KLF12: variants seen among roughly 807,000 people sequenced by gnomAD.
The protein encoded by KLF12 is Krueppel-like factor 12.
In KLF12, 9 loss-of-function variants were observed where a neutral mutation model predicts 37.8. That is an observed-to-expected ratio of 0.24 (90% CI 0.14 to 0.42). KLF12 has a LOEUF of 0.42. KLF12 is among the 10% of genes least tolerant of loss of function. The pLI is 1.00. For missense variants in KLF12, 411 were observed against 516.0 expected (o/e 0.80, Z 1.97); for synonymous variants, 208 against 202.1 (o/e 1.03, Z -0.25).
chr13:74,228,648 G>A, the KLF12 span, among the ~76,000 whole-genome samples: 1 of 151,838 alleles, frequency 6.6e-6, no homozygotes, highest in South Asian at 2.1e-4. Context: ...TATCTATATT[G>A]TCTGAATTCA....
chr13:73,823,119 T>G (rs181013663), intron 4 of KLF12, among the ~76,000 whole-genome samples: 137 of 152,344 alleles, frequency 9.0e-4, no homozygotes, highest in African/African-American at 3.2e-3. Context: ...CTTTTCTTAT[T>G]TCCCTTAGTT....
the KLF12 span, among the ~76,000 whole-genome samples, chr13:74,233,692 A>G: frequency 1.3e-5 from 2 of 152,366 alleles, no homozygotes; most frequent in African/African-American, 2.4e-5. Context: ...TCTAGAATAT[A>G]CTTTTTAGAA....
chr13:74,106,889 A>T (rs1876678002), intron 1 of KLF12, among the ~76,000 whole-genome samples: 1 of 152,022 alleles, frequency 6.6e-6, no homozygotes, highest in African/African-American at 2.4e-5. Context: ...GGTCCAATTC[A>T]AAAGAGCTCA....
At chr13:73,754,056 T>C (rs1346764596) in intron 6 of KLF12, among the ~76,000 whole-genome samples, 1 of 152,164 alleles carries the variant, frequency 6.6e-6, no homozygotes, top group African/African-American at 2.4e-5. Flanking sequence ...TCATATTTTC[T>C]CACCTTTCTA....
At chr13:73,954,545 T>C (rs1890768145) in intron 2 of KLF12, among the ~76,000 whole-genome samples, 1 of 152,202 alleles carries the variant, frequency 6.6e-6, no homozygotes, top group African/African-American at 2.4e-5. Flanking sequence ...ATAACAAAAG[T>C]AGTTAGGACT....
At chr13:73,849,375 TAAAAAAAAA>T (rs574332239) in intron 3 of KLF12, among the ~76,000 whole-genome samples, 2 of 98,984 alleles carry the variant, frequency 2.0e-5, no homozygotes, top group African/African-American at 4.8e-5. Flanking sequence ...GGAGACTCCA[TAAAAAAAAA>T]AAAAAAAAAA....
intron 2 of KLF12, among the ~76,000 whole-genome samples, chr13:73,964,746 T>C (rs1593788850): frequency 6.6e-6 from 1 of 150,882 alleles, no homozygotes. Context: ...CTTTGGGAGG[T>C]TGAGGTGGGA....
At chr13:73,920,299 G>T (rs1414202662) in intron 3 of KLF12, among the ~76,000 whole-genome samples, 1 of 151,924 alleles carries the variant, frequency 6.6e-6, no homozygotes, top group African/African-American at 2.4e-5. Flanking sequence ...GTACATATAT[G>T]CCTATGTGTG....
At chr13:74,019,323 T>A (rs1270846646) in intron 1 of KLF12, among the ~76,000 whole-genome samples, 2 of 152,250 alleles carry the variant, frequency 1.3e-5, no homozygotes, top group African/African-American at 4.8e-5. Flanking sequence ...ACTCCCATAC[T>A]ATCAACTATC....
At chr13:74,078,976 G>GT (rs1874723705) in intron 1 of KLF12, among the ~76,000 whole-genome samples, 1 of 152,146 alleles carries the variant, frequency 6.6e-6, no homozygotes. Context: ...CTTCAGAGAC[G>GT]TTTAAAAGCA....
chr13:73,767,850 A>C (rs1880020535), intron 5 of KLF12, among the ~76,000 whole-genome samples: 1 of 152,182 alleles, frequency 6.6e-6, no homozygotes, highest in Admixed American at 6.5e-5. Flanking sequence ...TTTATAGTTA[A>C]TCAAGAGAAT....
At chr13:73,961,250 T>C (rs1329455930) in intron 2 of KLF12, among the ~76,000 whole-genome samples, 3 of 152,182 alleles carry the variant, frequency 2.0e-5, no homozygotes, top group African/African-American at 4.8e-5. Context: ...TCACTAACAA[T>C]GCATTTTTGG....
chr13:73,865,732 A>C (rs1886144077), intron 3 of KLF12, among the ~76,000 whole-genome samples: 1 of 152,188 alleles, frequency 6.6e-6, no homozygotes, highest in Non-Finnish European at 1.5e-5. Flanking sequence ...TTAAAATAAC[A>C]ATCATAAAAT....
rs35197874 is a variant in KLF12, at chr13:73,937,188, C to CAA, written c.123+6791_123+6792dup. On this transcript the variant is annotated intron_variant, in intron 3 of 7. Transcript: ENST00000377669. ...CTGGCGACAGAGCGAGACTCCGTCT[C>CAA]AAAAAAAAATAAATAAATAAAAAAG... 3.1e-3 allele frequency among the ~76,000 whole-genome samples: 448 copies of CAA among 146,716 alleles called. 6 individuals are homozygous for CAA. Among genetic ancestry groups the CAA allele is most frequent in the East Asian group, 0.017 (86 of 5,050 alleles).
At chr13:74,130,450 G>A (rs1014974473) in intron 1 of KLF12, among the ~76,000 whole-genome samples, 2 of 152,142 alleles carry the variant, frequency 1.3e-5, no homozygotes, top group Non-Finnish European at 2.9e-5. Flanking sequence ...CTTGAGGCCA[G>A]GAATTCAGGA....
At chr13:74,131,610 A>G (rs1378675710) in intron 1 of KLF12, among the ~76,000 whole-genome samples, 1 of 152,248 alleles carries the variant, frequency 6.6e-6, no homozygotes, top group Non-Finnish European at 1.5e-5. Flanking sequence ...AATAAACAGT[A>G]ATAAAAAGCA....
At chr13:74,163,474 C>T in the KLF12 span, among the ~76,000 whole-genome samples, 2 of 152,040 alleles carry the variant, frequency 1.3e-5, no homozygotes, top group African/African-American at 2.4e-5. Context: ...TGAAATAAGC[C>T]AGGCACAGAA....
chr13:74,227,056 A>G, the KLF12 span, among the ~76,000 whole-genome samples: 1 of 152,164 alleles, frequency 6.6e-6, no homozygotes, highest in Admixed American at 6.6e-5. Flanking sequence ...TTTGTTAACA[A>G]ATCCTTTAAG....
chr13:74,005,563 A>G (rs929117045), intron 1 of KLF12, among the ~76,000 whole-genome samples: 5 of 152,304 alleles, frequency 3.3e-5, no homozygotes, highest in Admixed American at 3.3e-4. Context: ...TGAAGCCAGG[A>G]TGGAGGATTA....
Sources: allele counts gnomAD v4.1 joint callset (sites outside exome capture counted in the v4.1 genomes callset), GRCh38; gene constraint gnomAD v4.1.1; transcripts MANE v1.5; gene names NCBI Gene and HGNC (gene_info 2026-07-23, HGNC 2026-07-21).